Variants in USH2A observed in about 807,000 individuals in gnomAD.
USH2A encodes the protein usherin.
A neutral mutation model predicts 538.9 loss-of-function variants in USH2A; 443 were observed. That is an observed-to-expected ratio of 0.82 (90% CI 0.76 to 0.89). The LOEUF (loss-of-function observed/expected upper bound fraction) is 0.89, where lower values mean the gene tolerates loss of function less well. Ranked by LOEUF, USH2A falls within the 40% of genes least tolerant of loss-of-function variation. USH2A has a pLI of 0.00. For synonymous variants in USH2A, 2,413 were observed against 2,273.5 expected (o/e 1.06, Z -1.75); for missense variants, 6,633 against 6,324.8 (o/e 1.05, Z -1.65).
chr1:215,939,722 T>C (rs560793455), intron 37 of USH2A, among the ~76,000 whole-genome samples: 106 of 152,234 alleles, frequency 7.0e-4, no homozygotes, highest in African/African-American at 2.5e-3. Context: ...CCTATTCTTG[T>C]TACAATCATT....
intron 52 of USH2A, among the ~76,000 whole-genome samples, chr1:215,783,583 A>G (rs574037558): frequency 2.6e-5 from 4 of 152,344 alleles, no homozygotes; most frequent in Middle Eastern, 3.4e-3. Flanking sequence ...CAAAAATTGT[A>G]TTAGATGAAC....
intron 21 of USH2A, 121 bp downstream of exon 21, chr1:216,175,131 G>T (rs889393799): frequency 9.5e-5 from 145 of 1,526,328 alleles, no homozygotes; most frequent in Non-Finnish European, 1.2e-4. Context: ...AGCTATCAAA[G>T]GGCTGAATTA....
intron 61 of USH2A, among the ~76,000 whole-genome samples, chr1:215,690,876 G>A (rs1658579804): frequency 6.6e-6 from 1 of 152,046 alleles, no homozygotes; most frequent in African/African-American, 2.4e-5. Context: ...CAGCACTGCA[G>A]TAGCCTCAGT....
At chr1:216,091,690 T>G (rs1451497998) in intron 22 of USH2A, among the ~76,000 whole-genome samples, 1 of 152,202 alleles carries the variant, frequency 6.6e-6, no homozygotes, top group African/African-American at 2.4e-5. Flanking sequence ...AATTTAATAC[T>G]CAATTTTATT....
chr1:215,929,612 T>C (rs927456280), intron 38 of USH2A, among the ~76,000 whole-genome samples: 10 of 151,876 alleles, frequency 6.6e-5, no homozygotes, highest in Admixed American at 5.3e-4. Flanking sequence ...AGTAGGAAAA[T>C]AGAACAAAAG....
At position 215,628,968 on chromosome 1, in the gene USH2A, C is replaced by G; in HGVS notation, c.15365G>C (p.Cys5122Ser). 1.2e-6 allele frequency: 2 copies of G among 1,614,084 alleles called. No individual in the cohort carries two copies. Among genetic ancestry groups the G allele is most frequent in the Non-Finnish European group, 1.7e-6 (2 of 1,180,050 alleles). Residue 5122 changes from cysteine (C) to serine (S), a missense_variant, in exon 71 of 72, where the codon TGT becomes TCT. By Grantham distance (112) the Cys-to-Ser change is moderately radical. Transcript: ENST00000307340. Reference protein sequence around the residue: ...PVSIRSNRSACVLRIPSQNQT... With the variant: ...PVSIRSNRSASVLRIPSQNQT... ...GTTTTGACTCGGGATGCGCAGGACACATGCACTCCGGTTGCTGCGGATACT... is the reference window on the plus strand; with the variant it reads ...GTTTTGACTCGGGATGCGCAGGACAGATGCACTCCGGTTGCTGCGGATACT...
At chr1:216,161,092 A>G (rs1008958376) in intron 21 of USH2A, among the ~76,000 whole-genome samples, 2 of 152,148 alleles carry the variant, frequency 1.3e-5, no homozygotes, top group Admixed American at 1.3e-4. Flanking sequence ...TATTTAAAGT[A>G]TGTTTATAAG....
intron 3 of USH2A, among the ~76,000 whole-genome samples, chr1:216,378,810 G>A (rs892717235): frequency 2.6e-5 from 4 of 151,766 alleles, no homozygotes; most frequent in Non-Finnish European, 5.9e-5. Context: ...CATTTGACTA[G>A]AAGACTCATT....
chr1:216,219,416 G>T (rs538119520), intron 14 of USH2A, among the ~76,000 whole-genome samples: 4 of 152,146 alleles, frequency 2.6e-5, no homozygotes, highest in African/African-American at 9.6e-5. Context: ...TAAGCAAAAT[G>T]ATTCCTTTAG....
intron 43 of USH2A, among the ~76,000 whole-genome samples, chr1:215,874,282 G>T (rs941184967): frequency 3.9e-5 from 6 of 152,166 alleles, no homozygotes; most frequent in South Asian, 2.1e-4. Flanking sequence ...AGAAAAGTTA[G>T]AAACTGACAA....
At chr1:216,395,750 G>A (rs1262988485) in intron 3 of USH2A, among the ~76,000 whole-genome samples, 2 of 152,168 alleles carry the variant, frequency 1.3e-5, no homozygotes, top group Non-Finnish European at 2.9e-5. Context: ...GAGGTGGCAG[G>A]TTTGCTACTG....
At chr1:215,915,523 T>C (rs892201485) in intron 38 of USH2A, among the ~76,000 whole-genome samples, 40 of 152,224 alleles carry the variant, frequency 2.6e-4, no homozygotes, top group Admixed American at 2.3e-3. Flanking sequence ...TCTCTCTGTT[T>C]AGTAACTTTT....
At chr1:216,167,050 G>C (rs1322692424) in intron 21 of USH2A, among the ~76,000 whole-genome samples, 1 of 152,044 alleles carries the variant, frequency 6.6e-6, no homozygotes, top group Non-Finnish European at 1.5e-5. Flanking sequence ...ATCAGTCAAG[G>C]AACTGAGCCT....
intron 47 of USH2A, among the ~76,000 whole-genome samples, chr1:215,835,713 T>C (rs1052802717): frequency 6.6e-6 from 1 of 152,178 alleles, no homozygotes; most frequent in Non-Finnish European, 1.5e-5. Flanking sequence ...AACTTCTAAG[T>C]GCTCAGCCTC....
Position 215,684,810 on chromosome 1 carries a change from A to G in USH2A, c.12067-4434T>C, listed in dbSNP as rs115602133. 2.4e-3 allele frequency among the ~76,000 whole-genome samples: 367 copies of G among 152,294 alleles called. 1 individual carries two copies. Among genetic ancestry groups the G allele is most frequent in the African/African-American group, 8.5e-3 (354 of 41,554 alleles). On this transcript the variant is annotated intron_variant, in intron 61 of 71. Coordinates refer to ENST00000307340, the MANE Select transcript of USH2A (RefSeq NM_206933.4). The stretch of plus-strand genomic sequence containing the variant: ...GAAATGGATGAGTTTTGGCTTCTGC[A>G]TCCCAACCAAGTCACGGGGTTCCCT...
intron 21 of USH2A, among the ~76,000 whole-genome samples, chr1:216,149,349 C>G (rs1036167851): frequency 6.6e-6 from 1 of 152,258 alleles, no homozygotes; most frequent in African/African-American, 2.4e-5. Flanking sequence ...GATAACGGAC[C>G]AGCCTTTACT....
intron 55 of USH2A, among the ~76,000 whole-genome samples, chr1:215,767,962 G>A (rs1255967287): frequency 6.6e-6 from 1 of 152,080 alleles, no homozygotes; most frequent in East Asian, 1.9e-4. Context: ...TTAAATAATT[G>A]AACTAAGTTA....
chr1:216,401,457 A>G (rs1190349466), intron 3 of USH2A, among the ~76,000 whole-genome samples: 1 of 152,126 alleles, frequency 6.6e-6, no homozygotes, highest in Non-Finnish European at 1.5e-5. Context: ...TCAGATGTAA[A>G]TGGTCTAAAT....
At chr1:216,085,389 C>T (rs556277563) in intron 24 of USH2A, among the ~76,000 whole-genome samples, 31 of 151,718 alleles carry the variant, frequency 2.0e-4, no homozygotes, top group African/African-American at 6.5e-4. Flanking sequence ...TTTATAAATA[C>T]AGTGAATAGG....
Sources: allele counts gnomAD v4.1 joint callset (sites outside exome capture counted in the v4.1 genomes callset), GRCh38; gene constraint gnomAD v4.1.1; transcripts MANE v1.5; gene names NCBI Gene and HGNC (gene_info 2026-07-23, HGNC 2026-07-21).